RABGAP1: variants seen among roughly 807,000 people sequenced by gnomAD.
RABGAP1 encodes the protein rab GTPase-activating protein 1.
In RABGAP1, 23 loss-of-function variants were observed where a neutral mutation model predicts 137.6. That is an observed-to-expected ratio of 0.17 (90% CI 0.12 to 0.24). The LOEUF (loss-of-function observed/expected upper bound fraction) is 0.24. Among genes scored for constraint, RABGAP1 ranks in the 10% least tolerant of loss-of-function variants. RABGAP1 has a pLI of 1.00. For missense variants in RABGAP1, 906 were observed against 1,275.8 expected, an observed-to-expected ratio of 0.71 and a Z score of 4.42; for synonymous variants, 451 against 450.7, an observed-to-expected ratio of 1.00 and a Z score of -0.01.
chr9:123,007,683 T>C (rs890064594), intron 10 of RABGAP1, among the ~76,000 whole-genome samples: 4 of 150,716 alleles, frequency 2.7e-5, no homozygotes, highest in Non-Finnish European at 5.9e-5. Flanking sequence ...CCCAAAGTAT[T>C]GGGATTACAG....
At chr9:123,034,830 A>T in intron 13 of RABGAP1, 1 of 1,613,284 alleles carries the variant, frequency 6.2e-7, no homozygotes, top group Non-Finnish European at 8.5e-7. Context: ...CTTCTTTATC[A>T]CTCCTCCATC....
chr9:123,057,071 A>C (rs2033736542), intron 13 of RABGAP1, among the ~76,000 whole-genome samples: 1 of 146,348 alleles, frequency 6.8e-6, no homozygotes, highest in African/African-American at 2.6e-5. Context: ...GGCGCCCCTC[A>C]CCTCCCGGAC....
intron 1 of RABGAP1, among the ~76,000 whole-genome samples, chr9:122,953,907 G>A (rs1283508665): frequency 6.6e-6 from 1 of 152,154 alleles, no homozygotes; most frequent in Non-Finnish European, 1.5e-5. Context: ...ATTATTACAG[G>A]TGCTAGGGGT....
rs1477152173 is a variant in RABGAP1, at chr9:123,103,633, A to G, written c.*420A>G. On this transcript the variant is annotated 3_prime_UTR_variant, in exon 26 of 26. Transcript: ENST00000373647. ...TATATATATATATATATATATATAT[A>G]TATAGTGGGGGTGGGGCAAGGGATC... 1.1e-5 allele frequency: 1 copy of G among 94,716 alleles called. No individual in the cohort carries two copies. The highest frequency in any genetic ancestry group is 3.1e-4 in the East Asian group (1 of 3,218). 5.9% of individuals were successfully genotyped at this position (94,716 alleles called of 1,614,324 possible). A position where few individuals can be genotyped will look rare whatever the true frequency, so the allele number is the denominator to read the frequency against.
At chr9:122,984,354 A>G (rs187823638) in intron 2 of RABGAP1, 131 bp from the exon 3 acceptor site, 1 of 772,056 alleles carries the variant, frequency 1.3e-6, no homozygotes, top group Admixed American at 2.9e-5. Flanking sequence ...TTCTATTTTT[A>G]AAAAAAACAT....
intron 2 of RABGAP1, among the ~76,000 whole-genome samples, chr9:122,960,670 A>G (rs573728466): frequency 6.6e-6 from 1 of 152,354 alleles, no homozygotes; most frequent in East Asian, 1.9e-4. Flanking sequence ...TAAAAAAGCA[A>G]GCTACAGATA....
In RABGAP1 at chr9:123,016,451, G is replaced by A. The variant is rs556041372; in HGVS notation, c.1643+815G>A. On this transcript the variant is annotated intron_variant, in intron 12 of 25. Transcript: ENST00000373647. ...GAGCATAGGAGTTTGAGGCTGCAGT[G>A]AGCCTTGATTGCACCACTGCACTCC... Among the ~76,000 whole-genome samples the A allele has an allele frequency of 5.9e-5, 9 of 152,270 alleles. No individual in the cohort carries two copies. The South Asian group carries it at 1.2e-3, about 21-fold the overall frequency.
At chr9:122,942,804 AT>A (rs1453862569) in intron 1 of RABGAP1, among the ~76,000 whole-genome samples, 1 of 152,100 alleles carries the variant, frequency 6.6e-6, no homozygotes, top group African/African-American at 2.4e-5. Flanking sequence ...AACATTTAAA[AT>A]TCATATGTAA....
At chr9:123,102,738 C>T (rs117358073) in intron 25 of RABGAP1, among the ~76,000 whole-genome samples, 47 of 151,818 alleles carry the variant, frequency 3.1e-4, no homozygotes, top group African/African-American at 9.9e-4. Context: ...ATCCAGATTG[C>T]GAAGCATTTC....
intron 13 of RABGAP1, chr9:123,029,593 T>C (rs2032185971): frequency 2.7e-6 from 2 of 747,164 alleles, no homozygotes; most frequent in South Asian, 1.3e-5. Flanking sequence ...GTTTGTCATA[T>C]GTAGCTTTGT....
chr9:122,988,075 A>G (rs1836458842), intron 4 of RABGAP1, among the ~76,000 whole-genome samples: 1 of 152,206 alleles, frequency 6.6e-6, no homozygotes. Flanking sequence ...TTTATTAATG[A>G]TAAACTATTA....
chr9:123,071,554 A>G (rs1287740520), intron 15 of RABGAP1: 1 of 152,252 alleles, frequency 6.6e-6, no homozygotes, highest in Non-Finnish European at 1.5e-5. Context: ...TGTGAATCCA[A>G]CTAGCTTTAA....
chr9:122,948,037 A>C (rs1834030885), intron 1 of RABGAP1, among the ~76,000 whole-genome samples: 1 of 145,664 alleles, frequency 6.9e-6, no homozygotes, highest in East Asian at 2.1e-4. Context: ...GTTCAGAGCC[A>C]GGAAAACACA....
At chr9:123,004,364 T>A (rs1367762747) in intron 10 of RABGAP1, among the ~76,000 whole-genome samples, 1 of 152,124 alleles carries the variant, frequency 6.6e-6, no homozygotes, top group Non-Finnish European at 1.5e-5. Context: ...CACGGCTCGC[T>A]ACAGCCTTGA....
intron 13 of RABGAP1, among the ~76,000 whole-genome samples, chr9:123,048,819 G>T (rs2033333114): frequency 6.6e-6 from 1 of 152,198 alleles, no homozygotes; most frequent in Non-Finnish European, 1.5e-5. Flanking sequence ...CTCCATGATG[G>T]ATTGCTGTGA....
At chr9:123,009,162 T>G (rs2030577719) in intron 10 of RABGAP1, among the ~76,000 whole-genome samples, 1 of 152,224 alleles carries the variant, frequency 6.6e-6, no homozygotes, top group Non-Finnish European at 1.5e-5. Context: ...CCTGGCTGCT[T>G]TTGCACTATA....
At chr9:123,004,826 G>A (rs2030064923) in intron 10 of RABGAP1, among the ~76,000 whole-genome samples, 1 of 152,068 alleles carries the variant, frequency 6.6e-6, no homozygotes, top group African/African-American at 2.4e-5. Flanking sequence ...GGAGGCCGAG[G>A]CAGATGGATC....
intron 2 of RABGAP1, among the ~76,000 whole-genome samples, chr9:122,968,412 G>A (rs1285558396): frequency 6.6e-6 from 1 of 151,648 alleles, no homozygotes; most frequent in Non-Finnish European, 1.5e-5. Flanking sequence ...TAGTAGAGAT[G>A]GGGTTTTACC....
intron 16 of RABGAP1, among the ~76,000 whole-genome samples, chr9:123,074,079 C>T (rs138086370): frequency 6.6e-6 from 1 of 152,274 alleles, no homozygotes; most frequent in East Asian, 1.9e-4. Flanking sequence ...GGGGATTCCT[C>T]TTTCTTTAGA....
Sources: gnomAD v4.1 joint callset for allele counts (sites outside exome capture counted in the v4.1 genomes callset) on GRCh38, gnomAD v4.1.1 for gene constraint, MANE v1.5 for transcripts, NCBI Gene and HGNC (gene_info 2026-07-23, HGNC 2026-07-21) for gene names.